Variants in GABRG3 observed in about 807,000 individuals in gnomAD.
The protein encoded by GABRG3 is gamma-aminobutyric acid receptor subunit gamma-3.
In GABRG3, 25 loss-of-function variants were observed where a neutral mutation model predicts 48.8. That is an observed-to-expected ratio of 0.51 (90% CI 0.37 to 0.72). The LOEUF is 0.72. Ranked by LOEUF, GABRG3 falls within the 30% of genes least tolerant of loss-of-function variation. GABRG3 has a pLI of 0.00. For synonymous variants in GABRG3, 227 were observed against 217.6 expected (o/e 1.04, Z -0.38); for missense variants, 394 against 577.9 (o/e 0.68, Z 3.26).
In GABRG3 at chr15:26,975,336, C is replaced by A. The variant is rs1052925163; in HGVS notation, c.54-1666C>A. Among the ~76,000 whole-genome samples the A allele has an allele frequency of 6.6e-6, 1 of 152,138 alleles. No homozygotes were observed. The highest frequency in any genetic ancestry group is 1.5e-5 in the Non-Finnish European group (1 of 68,032). On this transcript the variant is annotated intron_variant, in intron 1 of 9. Transcript: ENST00000615808. This position sits in a 1 kb window ranked among gnomAD's most constrained non-coding sequence, Gnocchi z 4.6. ...GTGAATATCCAATGTGCATAAAAATCAACAGCAATTTATAGTTTCTATGGA... is the reference window on the plus strand; with the variant it reads ...GTGAATATCCAATGTGCATAAAAATAAACAGCAATTTATAGTTTCTATGGA...
At position 27,204,605 on chromosome 15, in the gene GABRG3, A is replaced by G. The variant is rs554051970; in HGVS notation, c.271-122204A>G. ...TTATTGGTAGTTTGATAGAAATGGC[A>G]TTGAATCTGTAAATTGCTTTGGGCA... On this transcript the variant is annotated intron_variant, in intron 3 of 9. Transcript: ENST00000615808. Among the ~76,000 whole-genome samples, 5 of 152,312 alleles carry G rather than the reference A, an allele frequency of 3.3e-5. No individual in the cohort carries two copies. The South Asian group carries it at 8.3e-4, about 25-fold the overall frequency.
At chr15:27,518,989 C>G (rs1891094535) in intron 6 of GABRG3, among the ~76,000 whole-genome samples, 2 of 152,148 alleles carry the variant, frequency 1.3e-5, no homozygotes, top group Admixed American at 1.3e-4. Context: ...CATATAGAAC[C>G]ATTGAGAAGA....
At chr15:27,354,159 A>G (rs1045477327) in intron 5 of GABRG3, among the ~76,000 whole-genome samples, 3 of 152,308 alleles carry the variant, frequency 2.0e-5, no homozygotes, top group South Asian at 2.1e-4. Flanking sequence ...CTGAAAAATT[A>G]TGGTAATACT....
chr15:27,261,268 C>T (rs1461094727), intron 3 of GABRG3, among the ~76,000 whole-genome samples: 1 of 151,980 alleles, frequency 6.6e-6, no homozygotes, highest in South Asian at 2.1e-4. Context: ...AACTAATAGT[C>T]TTATATCCAT....
chr15:27,340,155 G>A (rs1894119366), intron 5 of GABRG3, among the ~76,000 whole-genome samples: 1 of 152,138 alleles, frequency 6.6e-6, no homozygotes, highest in South Asian at 2.1e-4. Flanking sequence ...GGGACTCTAG[G>A]TGAAGGTGTT....
At chr15:27,329,671 T>A (rs542004264) in intron 5 of GABRG3, among the ~76,000 whole-genome samples, 10 of 152,382 alleles carry the variant, frequency 6.6e-5, no homozygotes, top group African/African-American at 2.4e-4. Context: ...GTAAGATGAT[T>A]TAATTTTTCG....
intron 3 of GABRG3, among the ~76,000 whole-genome samples, chr15:27,199,643 C>A (rs542630334): frequency 2.0e-4 from 30 of 152,104 alleles, no homozygotes; most frequent in Non-Finnish European, 3.8e-4. Context: ...TCCCTCTCGC[C>A]AGCTGATGTG....
At chr15:27,309,266 A>T (rs1312553312) in intron 3 of GABRG3, among the ~76,000 whole-genome samples, 1 of 151,524 alleles carries the variant, frequency 6.6e-6, no homozygotes, top group Non-Finnish European at 1.5e-5. Context: ...ATACACGTAC[A>T]CATACATATG....
intron 3 of GABRG3, among the ~76,000 whole-genome samples, chr15:27,086,468 C>G (rs570298626): frequency 1.3e-5 from 2 of 152,276 alleles, no homozygotes; most frequent in Admixed American, 1.3e-4. Flanking sequence ...CCTGCCTCCC[C>G]TGCCAGAATG....
intron 3 of GABRG3, among the ~76,000 whole-genome samples, chr15:27,269,643 G>A (rs761723721): frequency 2.6e-5 from 4 of 152,162 alleles, no homozygotes; most frequent in South Asian, 2.1e-4. Flanking sequence ...GCAAACCACA[G>A]CATTTATATT....
chr15:27,307,947 ATG>A (rs1426857214), intron 3 of GABRG3, among the ~76,000 whole-genome samples: 1 of 137,728 alleles, frequency 7.3e-6, no homozygotes, highest in Non-Finnish European at 1.5e-5. Flanking sequence ...ATAAACATAT[ATG>A]TAAAATAAAC....
At position 27,006,241 on chromosome 15, in the gene GABRG3, G is replaced by T. The variant is rs542457869; in HGVS notation, c.203-20513G>T. 1.2e-4 allele frequency among the ~76,000 whole-genome samples: 18 copies of T among 151,718 alleles called. No homozygotes were observed. In the East Asian group the frequency reaches 2.7e-3, roughly 23 times the overall value. Reference sequence around the variant, plus strand: ...TTTTGAGACAGGGTCTCGCTTTGTCGTCTGGGTTGGAGTGGAGTGGCGCTA... The same window carrying T: ...TTTTGAGACAGGGTCTCGCTTTGTCTTCTGGGTTGGAGTGGAGTGGCGCTA... On this transcript the variant is annotated intron_variant, in intron 2 of 9. Transcript: ENST00000615808.
chr15:27,185,552 C>T (rs1888066875), intron 3 of GABRG3, among the ~76,000 whole-genome samples: 1 of 152,048 alleles, frequency 6.6e-6, no homozygotes, highest in South Asian at 2.1e-4. Flanking sequence ...AATTAGGTTC[C>T]ATTGGTGGAT....
chr15:27,305,361 T>C (rs1378753290), intron 3 of GABRG3, among the ~76,000 whole-genome samples: 1 of 151,132 alleles, frequency 6.6e-6, no homozygotes, highest in Non-Finnish European at 1.5e-5. Flanking sequence ...ATAAAAGATA[T>C]TTGAAAAATA....
chr15:27,345,210 A>G (rs528813194), intron 5 of GABRG3, among the ~76,000 whole-genome samples: 2 of 152,306 alleles, frequency 1.3e-5, no homozygotes, highest in South Asian at 4.1e-4. Context: ...GTGATTATGA[A>G]TATAGCTGGA....
intron 3 of GABRG3, among the ~76,000 whole-genome samples, chr15:27,113,826 G>A (rs1469720528): frequency 6.6e-6 from 1 of 152,212 alleles, no homozygotes; most frequent in African/African-American, 2.4e-5. Context: ...AAGACTGCCT[G>A]ATTGCCTGGA....
In GABRG3 at chr15:27,535,971, GCA is replaced by G. The variant is rs1891538064; in HGVS notation, c.*3091_*3092del. On this transcript the variant is annotated 3_prime_UTR_variant, in exon 10 of 10. Coordinates refer to ENST00000615808, the MANE Select transcript of GABRG3 (RefSeq NM_033223.5). ...AGCTAAGCCCCAGCTTGCTTTGCAT[GCA>G]GAATTGGGAAATATTTGGGGTGGAA... 1 of 152,274 alleles carries G rather than the reference GCA, an allele frequency of 6.6e-6. No individual in the cohort carries two copies. Among genetic ancestry groups the G allele is most frequent in the African/African-American group, 2.4e-5 (1 of 41,450 alleles). 9.4% of individuals were successfully genotyped at this position (152,274 alleles called of 1,614,324 possible).
At chr15:27,030,542 A>G (rs929490392) in intron 3 of GABRG3, among the ~76,000 whole-genome samples, 7 of 152,210 alleles carry the variant, frequency 4.6e-5, no homozygotes, top group Admixed American at 1.3e-4. Context: ...TGTCGCTGCA[A>G]CATACCTAAA....
At chr15:27,087,641 G>A (rs937997359) in intron 3 of GABRG3, among the ~76,000 whole-genome samples, 6 of 152,188 alleles carry the variant, frequency 3.9e-5, no homozygotes, top group African/African-American at 1.4e-4. Context: ...GAGATTGTAT[G>A]TGCTGTGCAT....
Sources: allele counts gnomAD v4.1 joint callset (sites outside exome capture counted in the v4.1 genomes callset), GRCh38; gene constraint gnomAD v4.1.1; non-coding constraint Gnocchi (gnomAD v3.1); transcripts MANE v1.5; gene names NCBI Gene and HGNC (gene_info 2026-07-23, HGNC 2026-07-21).